The following CCSER1 variants were observed in gnomAD, a reference collection of about 807,000 sequenced individuals.
CCSER1 encodes the protein coiled-coil serine rich protein 1.
In CCSER1, 41 loss-of-function variants were observed where a neutral mutation model predicts 82.0. The ratio of observed to expected loss-of-function variants is 0.50; its 90% CI spans 0.39 to 0.65. The LOEUF (loss-of-function observed/expected upper bound fraction) is 0.65, where lower values mean the gene tolerates loss of function less well. Ranked by LOEUF, CCSER1 falls within the 30% of genes least tolerant of loss-of-function variation. The pLI is 0.00. For missense variants in CCSER1, 1,119 were observed against 1,064.2 expected (o/e 1.05, Z -0.72); for synonymous variants, 414 against 383.9 (o/e 1.08, Z -0.92).
chr4:91,097,842 G>C (rs1489576396), intron 10 of CCSER1, among the ~76,000 whole-genome samples: 2 of 152,138 alleles, frequency 1.3e-5, no homozygotes, highest in African/African-American at 4.8e-5. Flanking sequence ...GATGATTTAT[G>C]AATGTATCAT....
intron 9 of CCSER1, among the ~76,000 whole-genome samples, chr4:91,050,250 G>T (rs1048065516): frequency 5.9e-5 from 9 of 152,056 alleles, no homozygotes; most frequent in African/African-American, 2.2e-4. Flanking sequence ...GGCCAATCTG[G>T]TGAAACCCTG....
At chr4:91,365,655 T>G (rs1749560870) in intron 10 of CCSER1, among the ~76,000 whole-genome samples, 1 of 152,224 alleles carries the variant, frequency 6.6e-6, no homozygotes, top group South Asian at 2.1e-4. Flanking sequence ...ACAATTAAAT[T>G]ATTTTTTCCT....
intron 10 of CCSER1, among the ~76,000 whole-genome samples, chr4:91,253,259 T>C (rs1740400756): frequency 6.6e-6 from 1 of 152,206 alleles, no homozygotes; most frequent in Non-Finnish European, 1.5e-5. Context: ...TATGATTTTC[T>C]GAATAACGTT....
intron 10 of CCSER1, among the ~76,000 whole-genome samples, chr4:91,489,354 C>CT (rs998796849): frequency 3.9e-5 from 6 of 152,070 alleles, no homozygotes; most frequent in Non-Finnish European, 5.9e-5. Flanking sequence ...TTAGACAGTT[C>CT]TTTTTTTGTT....
At chr4:90,604,656 C>G (rs1019075470) in intron 5 of CCSER1, among the ~76,000 whole-genome samples, 4 of 152,292 alleles carry the variant, frequency 2.6e-5, no homozygotes, top group African/African-American at 9.6e-5. Flanking sequence ...TCTTGGAGAA[C>G]TTTTATGTCT....
intron 3 of CCSER1, among the ~76,000 whole-genome samples, chr4:90,325,981 G>T (rs948059169): frequency 3.4e-5 from 5 of 149,216 alleles, no homozygotes; most frequent in African/African-American, 1.2e-4. Context: ...TATCACATTT[G>T]TAATGTAAGT....
At chr4:90,643,489 T>C (rs1726948004) in intron 6 of CCSER1, among the ~76,000 whole-genome samples, 1 of 152,202 alleles carries the variant, frequency 6.6e-6, no homozygotes, top group Non-Finnish European at 1.5e-5. Context: ...TAAATGTTCT[T>C]AGGCAGGTTG....
intron 5 of CCSER1, among the ~76,000 whole-genome samples, chr4:90,544,727 T>C (rs1776541453): frequency 6.6e-6 from 1 of 152,040 alleles, no homozygotes; most frequent in Non-Finnish European, 1.5e-5. Context: ...TGTTAGAGTA[T>C]CTGGTATGAT....
At chr4:91,591,290 C>A (rs574518215) in intron 10 of CCSER1, among the ~76,000 whole-genome samples, 71 of 152,096 alleles carry the variant, frequency 4.7e-4, no homozygotes, top group African/African-American at 1.5e-3. Flanking sequence ...AATATTCATA[C>A]GTGCTTTTAT....
At chr4:90,464,206 G>A (rs1763324869) in intron 4 of CCSER1, among the ~76,000 whole-genome samples, 1 of 152,158 alleles carries the variant, frequency 6.6e-6, no homozygotes, top group African/African-American at 2.4e-5. Context: ...GAGGTTTGCA[G>A]ATTTCTGACT....
chr4:91,229,770 T>C (rs1014276123), intron 10 of CCSER1, among the ~76,000 whole-genome samples: 1 of 151,976 alleles, frequency 6.6e-6, no homozygotes, highest in Admixed American at 6.6e-5. Flanking sequence ...CACTCATTAG[T>C]GGGAGTTAAA....
At chr4:91,499,623 C>A (rs1423352132) in intron 10 of CCSER1, among the ~76,000 whole-genome samples, 1 of 151,908 alleles carries the variant, frequency 6.6e-6, no homozygotes, top group Non-Finnish European at 1.5e-5. Flanking sequence ...CTGTGGTCTG[C>A]CTATTCATCT....
intron 5 of CCSER1, among the ~76,000 whole-genome samples, chr4:90,480,463 C>T (rs887651575): frequency 2.6e-5 from 4 of 152,112 alleles, no homozygotes; most frequent in Admixed American, 6.5e-5. Flanking sequence ...ATGCCTACAT[C>T]CTGAATGGTA....
chr4:90,492,204 TG>T (rs1339126059), intron 5 of CCSER1, among the ~76,000 whole-genome samples: 1 of 152,190 alleles, frequency 6.6e-6, no homozygotes, highest in Non-Finnish European at 1.5e-5. Context: ...AGCCTGTTAT[TG>T]GTCTGTTCAG....
intron 3 of CCSER1, chr4:90,325,550 G>T (rs1022729018): frequency 3.9e-5 from 13 of 331,968 alleles, no homozygotes; most frequent in South Asian, 7.1e-5. Flanking sequence ...AACTGAATGG[G>T]CTGGGACAGC....
intron 9 of CCSER1, among the ~76,000 whole-genome samples, chr4:91,080,002 G>A (rs1722519607): frequency 6.6e-6 from 1 of 152,248 alleles, no homozygotes; most frequent in East Asian, 1.9e-4. Context: ...ACATTAGACA[G>A]ATCAACAAGA....
chr4:90,542,995 T>A (rs1344173557), intron 5 of CCSER1, among the ~76,000 whole-genome samples: 2 of 152,162 alleles, frequency 1.3e-5, no homozygotes, highest in Non-Finnish European at 2.9e-5. Context: ...CCTTATTTTT[T>A]AAAATTTTAT....
intron 1 of CCSER1, among the ~76,000 whole-genome samples, chr4:90,191,895 A>G (rs756278572): frequency 4.6e-5 from 7 of 152,092 alleles, no homozygotes; most frequent in South Asian, 4.1e-4. Context: ...GAAGTTTTCT[A>G]CTATATACTA....
chr4:90,787,188 G>T (rs1754630585), intron 7 of CCSER1, among the ~76,000 whole-genome samples: 1 of 152,136 alleles, frequency 6.6e-6, no homozygotes, highest in Non-Finnish European at 1.5e-5. Context: ...CTTCCTCCAG[G>T]ATATGAGGTG....
Sources: gnomAD v4.1 joint callset for allele counts (sites outside exome capture counted in the v4.1 genomes callset) on GRCh38, gnomAD v4.1.1 for gene constraint, MANE v1.5 for transcripts, NCBI Gene and HGNC (gene_info 2026-07-23, HGNC 2026-07-21) for gene names.